Variants in RALYL observed in about 807,000 individuals in gnomAD.
The protein encoded by RALYL is RALY RNA binding protein like, also known as RNA-binding Raly-like protein.
Under a neutral mutation model 35.1 loss-of-function variants are expected in RALYL, and 29 were observed. The ratio of observed to expected loss-of-function variants is 0.83; its 90% CI spans 0.61 to 1.13. RALYL has a LOEUF of 1.13. Among genes scored for constraint, RALYL ranks in the 50% most tolerant of loss-of-function variants. The pLI is 0.00. For missense variants in RALYL, 359 were observed against 360.4 expected (o/e 1.00, Z 0.03); for synonymous variants, 120 against 127.6 (o/e 0.94, Z 0.40).
At chr8:84,220,749 T>G (rs924499926) in intron 1 of RALYL, among the ~76,000 whole-genome samples, 7 of 151,998 alleles carry the variant, frequency 4.6e-5, no homozygotes, top group African/African-American at 1.7e-4. Flanking sequence ...GAACAATTTT[T>G]GTAAACCACA....
At chr8:84,323,337 ACT>A (rs1438955600) in intron 1 of RALYL, among the ~76,000 whole-genome samples, 3 of 152,040 alleles carry the variant, frequency 2.0e-5, no homozygotes, top group Admixed American at 2.0e-4. Flanking sequence ...AAATAATATA[ACT>A]CTAATGTATC....
chr8:84,210,401 A>G lies in RALYL; in HGVS notation c.-24+25977A>G, dbSNP rs564791255. 1.1e-4 allele frequency among the ~76,000 whole-genome samples: 17 copies of G among 151,354 alleles called. No individual in the cohort carries two copies. In the East Asian group the frequency reaches 3.1e-3, roughly 28 times the overall value. ...ATTTTTTTTTTCTAAGCAACTCCTTATATCACCACAGGACCAGTAGTGCTA... is the reference window on the plus strand; with the variant it reads ...ATTTTTTTTTTCTAAGCAACTCCTTGTATCACCACAGGACCAGTAGTGCTA... On this transcript the variant is annotated intron_variant, in intron 1 of 8. Transcript: ENST00000521268.
chr8:84,375,524 G>A (rs1302171529), intron 1 of RALYL, among the ~76,000 whole-genome samples: 1 of 151,722 alleles, frequency 6.6e-6, no homozygotes, highest in Non-Finnish European at 1.5e-5. Flanking sequence ...CAGAGTTAAA[G>A]AACAAAAGCT....
intron 1 of RALYL, among the ~76,000 whole-genome samples, chr8:84,276,283 T>C (rs1024825217): frequency 6.6e-6 from 1 of 152,172 alleles, no homozygotes; most frequent in Non-Finnish European, 1.5e-5. Context: ...TATCAAATAC[T>C]GAAATGTGTT....
chr8:84,340,632 G>A (rs551337717), intron 1 of RALYL, among the ~76,000 whole-genome samples: 1 of 152,158 alleles, frequency 6.6e-6, no homozygotes, highest in South Asian at 2.1e-4. Flanking sequence ...TTTTAAGGCT[G>A]AATAAATTCC....
chr8:84,854,066 G>A (rs1291043205), intron 5 of RALYL, among the ~76,000 whole-genome samples: 2 of 152,104 alleles, frequency 1.3e-5, no homozygotes, highest in African/African-American at 4.8e-5. Flanking sequence ...ACAATAATGG[G>A]GCCAGGCGCG....
chr8:84,401,927 C>T (rs2042961923), intron 1 of RALYL, among the ~76,000 whole-genome samples: 1 of 151,034 alleles, frequency 6.6e-6, no homozygotes, highest in Non-Finnish European at 1.5e-5. Context: ...CTTGTTTGCT[C>T]TTGAAGGCTT....
intron 2 of RALYL, among the ~76,000 whole-genome samples, chr8:84,587,852 A>C (rs1812345502): frequency 6.6e-6 from 1 of 152,210 alleles, no homozygotes; most frequent in African/African-American, 2.4e-5. Context: ...AACTGAGTAC[A>C]TGATGACATG....
chr8:84,322,526 G>A (rs1845057414), intron 1 of RALYL, among the ~76,000 whole-genome samples: 2 of 152,026 alleles, frequency 1.3e-5, no homozygotes, highest in Non-Finnish European at 2.9e-5. Flanking sequence ...TTGCAGATGA[G>A]GAAACTGAGA....
intron 2 of RALYL, among the ~76,000 whole-genome samples, chr8:84,612,726 G>A (rs575224390): frequency 6.6e-6 from 1 of 151,566 alleles, no homozygotes; most frequent in South Asian, 2.1e-4. Context: ...TGTGTGAGTT[G>A]GTGCAAAATG....
At chr8:84,852,523 C>T (rs368405911) in intron 5 of RALYL, among the ~76,000 whole-genome samples, 26 of 151,994 alleles carry the variant, frequency 1.7e-4, no homozygotes, top group Admixed American at 2.6e-4. Context: ...TCACTTGCTA[C>T]GAATAAAGTT....
chr8:84,916,922 T>G (rs1313247305), intron 8 of RALYL, among the ~76,000 whole-genome samples: 1 of 152,156 alleles, frequency 6.6e-6, no homozygotes, highest in Non-Finnish European at 1.5e-5. Flanking sequence ...TCTGTGGATT[T>G]GGTAAACAAA....
intron 1 of RALYL, among the ~76,000 whole-genome samples, chr8:84,329,171 G>A (rs565100814): frequency 1.3e-5 from 2 of 152,246 alleles, no homozygotes; most frequent in African/African-American, 2.4e-5. Context: ...AGTTCTTTGA[G>A]AAATCTCCAA....
chr8:84,813,328 A>T (rs1193582020), intron 4 of RALYL, among the ~76,000 whole-genome samples: 1 of 152,020 alleles, frequency 6.6e-6, no homozygotes, highest in Non-Finnish European at 1.5e-5. Context: ...TCCTCTTGGG[A>T]TTGCTGGTTC....
At chr8:84,372,443 A>G (rs1855906329) in intron 1 of RALYL, among the ~76,000 whole-genome samples, 2 of 152,044 alleles carry the variant, frequency 1.3e-5, no homozygotes, top group Admixed American at 1.3e-4. Flanking sequence ...GCCTGCATAC[A>G]GTAATAGAGG....
chr8:84,848,995 A>T (rs1835255041), intron 4 of RALYL, among the ~76,000 whole-genome samples: 1 of 152,226 alleles, frequency 6.6e-6, no homozygotes, highest in Admixed American at 6.5e-5. Flanking sequence ...GTCACCTAGT[A>T]GGAATGCAAA....
At chr8:84,842,704 A>G (rs569960922) in intron 4 of RALYL, among the ~76,000 whole-genome samples, 6 of 152,340 alleles carry the variant, frequency 3.9e-5, no homozygotes, top group African/African-American at 1.2e-4. Flanking sequence ...ATGAACATCA[A>G]TGCAAAAATC....
At chr8:84,864,201 TTGTG>T (rs112446879) in intron 6 of RALYL, among the ~76,000 whole-genome samples, 5 of 150,076 alleles carry the variant, frequency 3.3e-5, no homozygotes, top group East Asian at 2.0e-4. Flanking sequence ...GTGTGTGTGT[TTGTG>T]TGTGTGTGTG....
intron 5 of RALYL, among the ~76,000 whole-genome samples, chr8:84,861,027 C>T (rs1837996393): frequency 6.6e-6 from 1 of 152,034 alleles, no homozygotes. Context: ...TATGTATAAA[C>T]AAGATGTAAT....
Sources: gnomAD v4.1 joint callset for allele counts (sites outside exome capture counted in the v4.1 genomes callset) on GRCh38, gnomAD v4.1.1 for gene constraint, MANE v1.5 for transcripts, NCBI Gene and HGNC (gene_info 2026-07-23, HGNC 2026-07-21) for gene names.